Variants in ST6GALNAC3 observed in about 807,000 individuals in gnomAD.
The protein encoded by ST6GALNAC3 is ST6 N-acetylgalactosaminide alpha-2,6-sialyltransferase 3, also known as alpha-N-acetylgalactosaminide alpha-2,6-sialyltransferase 3.
Under a neutral mutation model 32.7 loss-of-function variants are expected in ST6GALNAC3, and 25 were observed. That is an observed-to-expected ratio of 0.76 (90% confidence interval 0.56 to 1.07). ST6GALNAC3 has a LOEUF of 1.07. Among genes scored for constraint, ST6GALNAC3 ranks in the 50% least tolerant of loss-of-function variants. ST6GALNAC3 has a pLI of 0.00. For synonymous variants in ST6GALNAC3, 129 were observed against 133.1 expected (o/e 0.97, Z 0.21); for missense variants, 355 against 382.4 (o/e 0.93, Z 0.60).
intron 3 of ST6GALNAC3, among the ~76,000 whole-genome samples, chr1:76,596,676 T>C (rs905578002): frequency 6.6e-6 from 1 of 152,198 alleles, no homozygotes; most frequent in African/African-American, 2.4e-5. Context: ...AACAAGTGAA[T>C]GGCTAGTTCT....
At chr1:76,599,227 G>A (rs902215648) in intron 3 of ST6GALNAC3, among the ~76,000 whole-genome samples, 3 of 53,628 alleles carry the variant, frequency 5.6e-5, no homozygotes, top group Non-Finnish European at 1.2e-4. Flanking sequence ...GTAAGATTTT[G>A]TGTTTTTTTT....
intron 3 of ST6GALNAC3, among the ~76,000 whole-genome samples, chr1:76,561,631 G>T (rs1232472633): frequency 2.6e-5 from 4 of 152,144 alleles, no homozygotes; most frequent in Non-Finnish European, 5.9e-5. Flanking sequence ...AAAATGATTG[G>T]CAAAGATGGA....
intron 1 of ST6GALNAC3, among the ~76,000 whole-genome samples, chr1:76,187,463 T>C (rs1486523581): frequency 6.6e-6 from 1 of 152,190 alleles, no homozygotes; most frequent in Non-Finnish European, 1.5e-5. Flanking sequence ...TAAGCATCCA[T>C]TTTCTATAGA....
intron 1 of ST6GALNAC3, among the ~76,000 whole-genome samples, chr1:76,094,610 C>T (rs533754946): frequency 1.3e-5 from 2 of 152,238 alleles, no homozygotes; most frequent in African/African-American, 4.8e-5. Flanking sequence ...TTCTTGATGG[C>T]AATTTTATAC....
intron 3 of ST6GALNAC3, among the ~76,000 whole-genome samples, chr1:76,427,968 T>C (rs1200134575): frequency 6.6e-6 from 1 of 152,150 alleles, no homozygotes; most frequent in Non-Finnish European, 1.5e-5. Context: ...ATAGTCTCAG[T>C]CTTCACACAA....
intron 1 of ST6GALNAC3, among the ~76,000 whole-genome samples, chr1:76,127,542 T>C (rs1649332617): frequency 6.6e-6 from 1 of 152,258 alleles, no homozygotes; most frequent in South Asian, 2.1e-4. Context: ...ACCATGCGAT[T>C]GAATAATAAA....
intron 1 of ST6GALNAC3, among the ~76,000 whole-genome samples, chr1:76,116,727 TC>T (rs1397375294): frequency 1.3e-5 from 2 of 152,060 alleles, no homozygotes; most frequent in African/African-American, 4.8e-5. Flanking sequence ...GACCAGGAAT[TC>T]CAGACCAGCC....
At chr1:76,323,423 A>G (rs914514153) in intron 2 of ST6GALNAC3, among the ~76,000 whole-genome samples, 4 of 152,170 alleles carry the variant, frequency 2.6e-5, no homozygotes, top group African/African-American at 9.7e-5. Flanking sequence ...AAGGCCCCCA[A>G]AGTATTGATT....
intron 3 of ST6GALNAC3, among the ~76,000 whole-genome samples, chr1:76,563,869 G>A (rs1017583353): frequency 2.6e-5 from 4 of 152,136 alleles, no homozygotes; most frequent in African/African-American, 9.7e-5. Context: ...AAGCTACTTT[G>A]GCTAATAGGC....
At chr1:76,234,498 G>C (rs1330017353) in intron 1 of ST6GALNAC3, among the ~76,000 whole-genome samples, 4 of 152,160 alleles carry the variant, frequency 2.6e-5, no homozygotes, top group African/African-American at 9.7e-5. Context: ...GCAAACCCGT[G>C]CAAATCATAG....
intron 1 of ST6GALNAC3, among the ~76,000 whole-genome samples, chr1:76,306,685 G>T (rs1289596093): frequency 1.3e-5 from 1 of 79,356 alleles, no homozygotes; most frequent in Non-Finnish European, 2.6e-5. Context: ...TTTTTGGGGG[G>T]CGGGGGGTGC....
chr1:76,279,579 C>T (rs1022920529), intron 1 of ST6GALNAC3, among the ~76,000 whole-genome samples: 9 of 152,162 alleles, frequency 5.9e-5, no homozygotes, highest in African/African-American at 1.7e-4. Flanking sequence ...TTGTCAGAGG[C>T]AGTAGTGGCC....
At chr1:76,294,543 T>C (rs527726486) in intron 1 of ST6GALNAC3, among the ~76,000 whole-genome samples, 1 of 152,202 alleles carries the variant, frequency 6.6e-6, no homozygotes, top group Admixed American at 6.5e-5. Flanking sequence ...TAGATTAGCT[T>C]TAACCTGCCC....
chr1:76,439,462 G>A (rs555781748), intron 3 of ST6GALNAC3, among the ~76,000 whole-genome samples: 2 of 152,300 alleles, frequency 1.3e-5, no homozygotes, highest in South Asian at 4.1e-4. Flanking sequence ...ATTTAGGAGT[G>A]TATAAGGCCT....
chr1:76,360,494 A>G (rs1649842067), intron 2 of ST6GALNAC3, among the ~76,000 whole-genome samples: 1 of 152,196 alleles, frequency 6.6e-6, no homozygotes. Flanking sequence ...AGAATGAAAA[A>G]GTTTAGGCCC....
At chr1:76,148,751 T>C (rs1179085195) in intron 1 of ST6GALNAC3, among the ~76,000 whole-genome samples, 1 of 152,196 alleles carries the variant, frequency 6.6e-6, no homozygotes, top group African/African-American at 2.4e-5. Context: ...CTTTTCTCTC[T>C]TTCAAAAACC....
intron 1 of ST6GALNAC3, among the ~76,000 whole-genome samples, chr1:76,117,544 C>T (rs777287689): frequency 3.9e-5 from 6 of 152,184 alleles, no homozygotes; most frequent in African/African-American, 7.2e-5. Flanking sequence ...GTAACCATGA[C>T]CAACTGCATT....
chr1:76,469,435 A>T (rs554675195), intron 3 of ST6GALNAC3, among the ~76,000 whole-genome samples: 1 of 152,248 alleles, frequency 6.6e-6, no homozygotes, highest in Non-Finnish European at 1.5e-5. Context: ...TCACAAATTT[A>T]TCAAGTAATT....
chr1:76,446,549 C>T (rs1364663917), intron 3 of ST6GALNAC3, among the ~76,000 whole-genome samples: 2 of 152,164 alleles, frequency 1.3e-5, no homozygotes, highest in Non-Finnish European at 2.9e-5. Flanking sequence ...TTAGCTTTGC[C>T]TTTTCCAGAA....
Sources: gnomAD v4.1 joint callset for allele counts (sites outside exome capture counted in the v4.1 genomes callset) on GRCh38, gnomAD v4.1.1 for gene constraint, MANE v1.5 for transcripts, NCBI Gene and HGNC (gene_info 2026-07-23, HGNC 2026-07-21) for gene names.